The following RAB40C variants were observed in gnomAD, a reference collection of about 807,000 sequenced individuals.
RAB40C encodes the protein RAB40C, member RAS oncogene family.
A neutral mutation model predicts 28.1 loss-of-function variants in RAB40C; 8 were observed. The observed-to-expected ratio is 0.28, with a 90% CI of 0.17 to 0.51. The LOEUF is 0.51. RAB40C is among the 20% of genes least tolerant of loss of function. The probability of loss-of-function intolerance (pLI) is 0.97; values close to 1 mark genes in which losing one functional copy is unlikely to be tolerated. For synonymous variants in RAB40C, 201 were observed against 171.7 expected (o/e 1.17, Z -1.34); for missense variants, 288 against 405.9 (o/e 0.71, Z 2.50).
At chr16:597,813 G>T (rs1307259198) in intron 1 of RAB40C, among the ~76,000 whole-genome samples, 1 of 151,706 alleles carries the variant, frequency 6.6e-6, no homozygotes, top group Non-Finnish European at 1.5e-5. Flanking sequence ...TTGGAAAAGA[G>T]CAGAGGGCTG....
At chr16:616,282 C>T (rs1488593252) in intron 1 of RAB40C, among the ~76,000 whole-genome samples, 1 of 151,546 alleles carries the variant, frequency 6.6e-6, no homozygotes, top group Non-Finnish European at 1.5e-5. Flanking sequence ...ACCAATGTGG[C>T]AGGCAGGCTG....
At chr16:593,980 C>T (rs367613720) in intron 1 of RAB40C, among the ~76,000 whole-genome samples, 1 of 152,154 alleles carries the variant, frequency 6.6e-6, no homozygotes, top group African/African-American at 2.4e-5. Context: ...AGTTCAGGAG[C>T]GAACCTGCAG....
At chr16:602,307 T>G (rs1190714789) in intron 1 of RAB40C, among the ~76,000 whole-genome samples, 1 of 151,612 alleles carries the variant, frequency 6.6e-6, no homozygotes, top group African/African-American at 2.4e-5. Flanking sequence ...TCTTCCAGGC[T>G]GGAGTGCAGT....
chr16:601,103 G>A (rs2036240061), intron 1 of RAB40C, among the ~76,000 whole-genome samples: 4 of 152,174 alleles, frequency 2.6e-5, no homozygotes, highest in South Asian at 4.1e-4. Flanking sequence ...TTTCCTCACC[G>A]TTCAGTAAAT....
chr16:597,758 G>A (rs1349385949), intron 1 of RAB40C, among the ~76,000 whole-genome samples: 1 of 151,590 alleles, frequency 6.6e-6, no homozygotes, highest in East Asian at 2.0e-4. Flanking sequence ...CAAAGTTGGT[G>A]GAATTACAGG....
In RAB40C at chr16:627,586, C is replaced by T. The variant is rs779601647; in HGVS notation, c.810C>T (p.Pro270=). ...CCATCCGTCCACCCCAGAGCCCCCCCCAGAACTGCTCGCGGAGTAACTGCA... is the reference window on the plus strand; with the variant it reads ...CCATCCGTCCACCCCAGAGCCCCCCTCAGAACTGCTCGCGGAGTAACTGCA... The part of the protein sequence containing the change: ...SKSIRPPQSP[P]QNCSRSNCKI... Residue 270 remains proline, a synonymous_variant, in exon 6 of 6, where the codon CCC becomes CCT. Coordinates refer to ENST00000248139, the MANE Select transcript of RAB40C (RefSeq NM_021168.5). 3 of 1,604,642 alleles carry T rather than the reference C, an allele frequency of 1.9e-6. No homozygotes were observed. The highest frequency in any genetic ancestry group is 1.3e-5 in the African/African-American group (1 of 74,706).
chr16:618,332 T>A, intron 3 of RAB40C, 72 bp downstream of exon 3: 1 of 1,437,458 alleles, frequency 7.0e-7, no homozygotes, highest in Non-Finnish European at 9.5e-7. Context: ...ATGTGAGTTG[T>A]TGTCCTGTCA....
Position 610,939 on chromosome 16 carries a change from C to T in RAB40C, c.143-6269C>T, listed in dbSNP as rs1328327568. ...TGTGGCTTGCTGGGAACAAGACACT[C>T]GGCTGACTGTGCTTAGAGAACAGGC... is the stretch of plus-strand genomic sequence containing the variant. On this transcript the variant is annotated intron_variant, in intron 1 of 5. Coordinates refer to ENST00000248139, the MANE Select transcript of RAB40C (RefSeq NM_021168.5). This position sits in a 1 kb window ranked among gnomAD's most constrained non-coding sequence, Gnocchi z 4.6. Among the ~76,000 whole-genome samples the T allele has an allele frequency of 6.6e-6, 1 of 152,110 alleles. No homozygotes were observed. The highest frequency in any genetic ancestry group is 2.4e-5 in the African/African-American group (1 of 41,416).
chr16:603,361 G>T (rs1025520798), intron 1 of RAB40C, among the ~76,000 whole-genome samples: 2 of 152,248 alleles, frequency 1.3e-5, no homozygotes, highest in Non-Finnish European at 2.9e-5. Context: ...TTTGCCTGCA[G>T]TGGGGTTGGT....
intron 1 of RAB40C, among the ~76,000 whole-genome samples, chr16:598,670 A>AGGT (rs1328395706): frequency 2.6e-5 from 4 of 151,676 alleles, no homozygotes; most frequent in Admixed American, 2.0e-4. Flanking sequence ...GGAGCCTGGG[A>AGGT]GGTGGTGGCT....
At chr16:602,588 C>A (rs1435114251) in intron 1 of RAB40C, among the ~76,000 whole-genome samples, 2 of 152,196 alleles carry the variant, frequency 1.3e-5, no homozygotes, top group East Asian at 3.9e-4. Context: ...GCCACCACGC[C>A]CGGCTAGTTT....
At position 627,688 on chromosome 16, in the gene RAB40C, GC is replaced by G. The variant is rs1805669034; in HGVS notation, c.*68del. On this transcript the variant is annotated 3_prime_UTR_variant, in exon 6 of 6. Coordinates refer to ENST00000248139, the MANE Select transcript of RAB40C (RefSeq NM_021168.5). ...TCGAGCTGGACACTCCTGGCTGGAC[GC>G]CAGGCCAGTGCCGCCTACGTGGAGA... The G allele has an allele frequency of 5.4e-6, 8 of 1,492,630 alleles. No homozygotes were observed. The Admixed American group carries it at 1.8e-4, about 34-fold the overall frequency. The allele number at this position is 1,492,630 out of a possible 1,614,324, so 92.5% of individuals were successfully genotyped here. A position where few individuals can be genotyped will look rare whatever the true frequency, so the allele number is the denominator to read the frequency against.
At chr16:590,844 G>C (rs1472167719) in intron 1 of RAB40C, among the ~76,000 whole-genome samples, 1 of 141,612 alleles carries the variant, frequency 7.1e-6, no homozygotes, top group Non-Finnish European at 1.5e-5. Context: ...GGTGTCATGG[G>C]CTCGGGGGAA....
intron 1 of RAB40C, among the ~76,000 whole-genome samples, chr16:613,966 G>A (rs1403481824): frequency 5.3e-5 from 8 of 152,200 alleles, no homozygotes; most frequent in African/African-American, 1.2e-4. Context: ...CACAGTCGGC[G>A]CAGATGCTTC....
chr16:590,497 G>GCTCGCCCTCGGCCCGGCC, intron 1 of RAB40C, 64 bp downstream of exon 1: 1 of 1,429,288 alleles, frequency 7.0e-7, no homozygotes, highest in Non-Finnish European at 9.1e-7. Context: ...TGGGCACGGA[G>GCTCGCCCTCGGCCCGGCC]CTCGCCCTCG....
intron 3 of RAB40C, among the ~76,000 whole-genome samples, chr16:622,032 T>A (rs958992368): frequency 6.6e-6 from 1 of 152,228 alleles, no homozygotes; most frequent in Non-Finnish European, 1.5e-5. Flanking sequence ...TCTCGCTGGC[T>A]GTACCTTGGG....
chr16:608,229 C>T (rs1236444948), intron 1 of RAB40C, among the ~76,000 whole-genome samples: 1 of 152,190 alleles, frequency 6.6e-6, no homozygotes, highest in East Asian at 1.9e-4. Context: ...AAGGGGGAAG[C>T]CCCTCCTAAA....
intron 2 of RAB40C, 107 bp downstream of exon 2, chr16:617,375 G>T: frequency 1.5e-6 from 2 of 1,350,000 alleles, no homozygotes; most frequent in Non-Finnish European, 2.1e-6. Flanking sequence ...ATTTCACTTG[G>T]AAGAGCCACT....
At chr16:611,057 C>T (rs1027817844) in intron 1 of RAB40C, among the ~76,000 whole-genome samples, 4 of 152,200 alleles carry the variant, frequency 2.6e-5, no homozygotes, top group Admixed American at 6.5e-5. Flanking sequence ...CCTGTTCTGA[C>T]GCGCACCGTG....
Sources: gnomAD v4.1 joint callset for allele counts (sites outside exome capture counted in the v4.1 genomes callset) on GRCh38, gnomAD v4.1.1 for gene constraint, Gnocchi (gnomAD v3.1) non-coding constraint, MANE v1.5 for transcripts, NCBI Gene and HGNC (gene_info 2026-07-23, HGNC 2026-07-21) for gene names.